Variants in ADNP observed in about 807,000 individuals in gnomAD.
ADNP encodes the protein activity-dependent neuroprotector homeobox protein.
Under a neutral mutation model 84.9 loss-of-function variants are expected in ADNP, and 4 were observed. The observed-to-expected ratio is 0.05, with a 90% CI of 0.02 to 0.11. The LOEUF (loss-of-function observed/expected upper bound fraction) is 0.11, where lower values mean the gene tolerates loss of function less well. ADNP is among the 10% of genes least tolerant of loss of function. The probability of loss-of-function intolerance (pLI) is 1.00; values close to 1 mark genes in which losing one functional copy is unlikely to be tolerated. For synonymous variants in ADNP, 554 were observed against 468.1 expected (o/e 1.18, Z -2.37); for missense variants, 1,132 against 1,326.0 (o/e 0.85, Z 2.27).
chr20:50,929,373 T>C (rs1000270002), intron 1 of ADNP, among the ~76,000 whole-genome samples: 11 of 152,152 alleles, frequency 7.2e-5, no homozygotes, highest in Admixed American at 7.2e-4. Context: ...AAATGCAGGG[T>C]GGGCTCTTTA....
chr20:50,908,582 G>A (rs961209443), intron 2 of ADNP, among the ~76,000 whole-genome samples: 1 of 151,956 alleles, frequency 6.6e-6, no homozygotes, highest in Non-Finnish European at 1.5e-5. Flanking sequence ...AGACCATCCT[G>A]GCTAACATGG....
intron 2 of ADNP, among the ~76,000 whole-genome samples, chr20:50,915,142 A>G (rs1275598763): frequency 2.6e-5 from 4 of 152,232 alleles, no homozygotes; most frequent in African/African-American, 9.6e-5. Context: ...CTAAAAAATA[A>G]AATGTTGAAA....
At chr20:50,928,014 A>G (rs974246567) in intron 2 of ADNP, among the ~76,000 whole-genome samples, 1 of 152,236 alleles carries the variant, frequency 6.6e-6, no homozygotes, top group Non-Finnish European at 1.5e-5. Context: ...AAATAATCCC[A>G]TTTAAATATG....
intron 2 of ADNP, among the ~76,000 whole-genome samples, chr20:50,917,225 C>T (rs1304494645): frequency 6.6e-6 from 1 of 152,170 alleles, no homozygotes; most frequent in African/African-American, 2.4e-5. Flanking sequence ...ACTTCAATAC[C>T]CAAGGTTGAA....
At chr20:50,925,446 T>C (rs890932636) in intron 2 of ADNP, among the ~76,000 whole-genome samples, 5 of 152,040 alleles carry the variant, frequency 3.3e-5, no homozygotes, top group African/African-American at 1.2e-4. Flanking sequence ...AACGCAGGTG[T>C]AGGGAGTACT....
At chr20:50,908,369 T>A (rs1982700925) in intron 2 of ADNP, among the ~76,000 whole-genome samples, 1 of 152,138 alleles carries the variant, frequency 6.6e-6, no homozygotes, top group Admixed American at 6.6e-5. Context: ...ACTCTATCAG[T>A]CAATCATTAT....
At chr20:50,903,475 CG>C (rs1249531635) in intron 4 of ADNP, among the ~76,000 whole-genome samples, 2 of 152,238 alleles carry the variant, frequency 1.3e-5, no homozygotes, top group Non-Finnish European at 2.9e-5. Flanking sequence ...AACATTCAGG[CG>C]TATCAGAATG....
intron 2 of ADNP, among the ~76,000 whole-genome samples, chr20:50,923,542 G>C (rs1600994455): frequency 6.6e-6 from 1 of 151,448 alleles, no homozygotes; most frequent in Non-Finnish European, 1.5e-5. Flanking sequence ...TTTTGAGACT[G>C]AGTCTCACTC....
chr20:50,907,351 C>A (rs187885361), intron 2 of ADNP, among the ~76,000 whole-genome samples: 35 of 149,122 alleles, frequency 2.3e-4, no homozygotes, highest in African/African-American at 8.3e-4. Context: ...ACTGCAACCT[C>A]TGCCTCCCAG....
intron 2 of ADNP, among the ~76,000 whole-genome samples, chr20:50,922,465 A>G (rs951868664): frequency 2.6e-5 from 4 of 151,682 alleles, no homozygotes; most frequent in Non-Finnish European, 5.9e-5. Context: ...TTTATTATAA[A>G]AAGTACAGAT....
intron 2 of ADNP, among the ~76,000 whole-genome samples, chr20:50,910,917 G>A (rs1162993677): frequency 6.6e-6 from 1 of 152,196 alleles, no homozygotes; most frequent in Non-Finnish European, 1.5e-5. Flanking sequence ...GCCCCGCAAA[G>A]TGTTGGGATT....
intron 2 of ADNP, among the ~76,000 whole-genome samples, chr20:50,918,511 TAG>T (rs141271527): frequency 1.2e-3 from 188 of 152,244 alleles, no homozygotes; most frequent in African/African-American, 4.3e-3. Flanking sequence ...AAAAAAATGG[TAG>T]AGTGTTCACG....
At chr20:50,901,928 C>T in intron 5 of ADNP, 89 bp downstream of exon 5, 1 of 974,632 alleles carries the variant, frequency 1.0e-6, no homozygotes, top group South Asian at 1.4e-5. Flanking sequence ...CACTTGCCCG[C>T]AATCACTGCA....
At chr20:50,919,287 A>ACATATATATATATACATATATATAT (rs776823194) in intron 2 of ADNP, among the ~76,000 whole-genome samples, 4 of 128,064 alleles carry the variant, frequency 3.1e-5, no homozygotes, top group African/African-American at 1.5e-4. Context: ...ACATATATTT[A>ACATATATATATATACATATATATAT]AGTGTATATA....
At chr20:50,917,383 T>C (rs1983590865) in intron 2 of ADNP, among the ~76,000 whole-genome samples, 1 of 152,210 alleles carries the variant, frequency 6.6e-6, no homozygotes, top group Non-Finnish European at 1.5e-5. Flanking sequence ...TAAATCACTC[T>C]TACCATCACC....
chr20:50,925,646 T>G (rs1984241535), intron 2 of ADNP, among the ~76,000 whole-genome samples: 1 of 152,242 alleles, frequency 6.6e-6, no homozygotes, highest in African/African-American at 2.4e-5. Context: ...AAACAGCTTT[T>G]ACATTCAAAG....
intron 2 of ADNP, among the ~76,000 whole-genome samples, chr20:50,925,810 T>C (rs1380317950): frequency 1.3e-5 from 2 of 152,086 alleles, no homozygotes; most frequent in Admixed American, 1.3e-4. Context: ...CTTACAAAAC[T>C]AGGAGAGGGG....
intron 2 of ADNP, among the ~76,000 whole-genome samples, chr20:50,928,421 A>T (rs1270961474): frequency 2.6e-5 from 4 of 152,212 alleles, no homozygotes; most frequent in Non-Finnish European, 4.4e-5. Flanking sequence ...GTAGAATGCA[A>T]ATGATTACAA....
chr20:50,900,853 T>G (rs1336482261), intron 5 of ADNP, among the ~76,000 whole-genome samples: 1 of 152,248 alleles, frequency 6.6e-6, no homozygotes, highest in Non-Finnish European at 1.5e-5. Flanking sequence ...TTTGAAAAGT[T>G]GGCTTTCTTC....
Sources: allele counts gnomAD v4.1 joint callset (sites outside exome capture counted in the v4.1 genomes callset), GRCh38; gene constraint gnomAD v4.1.1; transcripts MANE v1.5; gene names NCBI Gene and HGNC (gene_info 2026-07-23, HGNC 2026-07-21).